The following EFCAB11 variants were observed in gnomAD, a reference collection of about 807,000 sequenced individuals.
EFCAB11 encodes EF-hand calcium-binding domain-containing protein 11.
Under a neutral mutation model 23.0 loss-of-function variants are expected in EFCAB11, and 14 were observed. The observed-to-expected ratio is 0.61, with a 90% confidence interval of 0.40 to 0.95. The LOEUF (loss-of-function observed/expected upper bound fraction) is 0.95, where lower values mean the gene tolerates loss of function less well. Among genes scored for constraint, EFCAB11 ranks in the 40% least tolerant of loss-of-function variants. EFCAB11 has a pLI of 0.00. For synonymous variants in EFCAB11, 65 were observed against 66.6 expected, an observed-to-expected ratio of 0.98 and a Z score of 0.11; for missense variants, 198 against 195.8, an observed-to-expected ratio of 1.01 and a Z score of -0.07.
chr14:89,849,621 T>G (rs1214837490), intron 5 of EFCAB11, among the ~76,000 whole-genome samples: 6 of 151,368 alleles, frequency 4.0e-5, no homozygotes, highest in African/African-American at 1.5e-4. Flanking sequence ...TTTTTTTTTT[T>G]TGGTAAGATA....
At chr14:89,866,170 T>C (rs1484336999) in intron 5 of EFCAB11, among the ~76,000 whole-genome samples, 1 of 152,210 alleles carries the variant, frequency 6.6e-6, no homozygotes, top group African/African-American at 2.4e-5. Context: ...TGAAGTTCAA[T>C]GATAGGATTT....
Position 89,862,882 on chromosome 14 carries a change from G to T in EFCAB11, c.411-65558C>A, listed in dbSNP as rs182419241. Among the ~76,000 whole-genome samples the T allele has an allele frequency of 6.2e-4, 94 of 152,288 alleles. 1 individual carries two copies. The East Asian group carries it at 0.015, about 24-fold the overall frequency. Reference sequence around the variant, plus strand: ...AACTAGCAGGAAGCTGCTATAAGAAGATAGATTGTTCAAAATCATAAGTAA... The same window carrying T: ...AACTAGCAGGAAGCTGCTATAAGAATATAGATTGTTCAAAATCATAAGTAA... On this transcript the variant is annotated intron_variant, in intron 5 of 5. Coordinates refer to ENST00000316738, the MANE Select transcript of EFCAB11 (RefSeq NM_145231.4).
intron 5 of EFCAB11, among the ~76,000 whole-genome samples, chr14:89,824,862 A>G (rs1284183886): frequency 6.6e-6 from 1 of 152,146 alleles, no homozygotes; most frequent in African/African-American, 2.4e-5. Flanking sequence ...TACATGAAGC[A>G]AAACATCGAG....
intron 5 of EFCAB11, among the ~76,000 whole-genome samples, chr14:89,837,556 A>G (rs1887125512): frequency 6.6e-6 from 1 of 152,204 alleles, no homozygotes; most frequent in African/African-American, 2.4e-5. Flanking sequence ...CTGGCCTTAT[A>G]TCTGTAAATA....
chr14:89,805,187 G>A (rs906570624), intron 5 of EFCAB11, among the ~76,000 whole-genome samples: 2 of 152,180 alleles, frequency 1.3e-5, no homozygotes, highest in African/African-American at 2.4e-5. Flanking sequence ...CATTGTTTGC[G>A]TCTTCCCCAA....
chr14:89,850,967 T>C (rs1887584938), intron 5 of EFCAB11, among the ~76,000 whole-genome samples: 4 of 152,162 alleles, frequency 2.6e-5, no homozygotes, highest in East Asian at 1.9e-4. Flanking sequence ...ATCAATTTAG[T>C]GGGAAGCCTA....
At chr14:89,926,018 C>T (rs766490199) in intron 5 of EFCAB11, among the ~76,000 whole-genome samples, 6 of 151,854 alleles carry the variant, frequency 4.0e-5, no homozygotes, top group Non-Finnish European at 8.8e-5. Context: ...TTAGTAGAGA[C>T]GGGGTTTCAC....
chr14:89,932,759 C>T, intron 3 of EFCAB11, 132 bp from the exon 4 acceptor site: 1 of 741,874 alleles, frequency 1.3e-6, no homozygotes, highest in Non-Finnish European at 2.2e-6. Context: ...ACAGTATTTA[C>T]TCAAGATCTG....
chr14:89,888,110 C>T (rs1888849420), intron 5 of EFCAB11, among the ~76,000 whole-genome samples: 1 of 152,152 alleles, frequency 6.6e-6, no homozygotes, highest in Admixed American at 6.5e-5. Context: ...ACAGAAAATG[C>T]TGTTGCTATG....
intron 5 of EFCAB11, among the ~76,000 whole-genome samples, chr14:89,882,861 G>A (rs1007723172): frequency 1.3e-5 from 2 of 152,188 alleles, no homozygotes; most frequent in Admixed American, 6.5e-5. Context: ...AATGGGAGGT[G>A]TTTGGGTCCT....
At chr14:89,811,085 G>A (rs2140089081) in intron 5 of EFCAB11, among the ~76,000 whole-genome samples, 1 of 152,140 alleles carries the variant, frequency 6.6e-6, no homozygotes, top group African/African-American at 2.4e-5. Context: ...TGAGAAGCAT[G>A]GAGCTAATAA....
At chr14:89,954,246 T>A in intron 1 of EFCAB11, 1 of 1,234,802 alleles carries the variant, frequency 8.1e-7, no homozygotes, top group Non-Finnish European at 1.1e-6. Flanking sequence ...GCAAATTAAT[T>A]CATTTAGGCC....
At chr14:89,826,230 G>A (rs1006933382) in intron 5 of EFCAB11, among the ~76,000 whole-genome samples, 37 of 152,126 alleles carry the variant, frequency 2.4e-4, no homozygotes, top group Non-Finnish European at 5.9e-5. Flanking sequence ...ATGAATGCAT[G>A]ATGATAACAT....
chr14:89,863,501 TCCC>T (rs752612616), intron 5 of EFCAB11, among the ~76,000 whole-genome samples: 16 of 152,298 alleles, frequency 1.1e-4, no homozygotes, highest in Non-Finnish European at 1.8e-4. Flanking sequence ...CAGCAACTGC[TCCC>T]CCTTTTCTAA....
chr14:89,826,386 C>T (rs1364614747), intron 5 of EFCAB11, among the ~76,000 whole-genome samples: 1 of 151,296 alleles, frequency 6.6e-6, no homozygotes, highest in African/African-American at 2.4e-5. Flanking sequence ...TGGGAACTCC[C>T]AGGCCAGAGA....
chr14:89,932,481 T>G (rs770403335), intron 4 of EFCAB11, 45 bp downstream of exon 4: 1 of 1,513,128 alleles, frequency 6.6e-7, no homozygotes, highest in Admixed American at 1.8e-5. Context: ...TTGCAATCCC[T>G]TAAAAGTAAT....
At chr14:89,897,533 A>G (rs943484846) in intron 5 of EFCAB11, among the ~76,000 whole-genome samples, 4 of 152,170 alleles carry the variant, frequency 2.6e-5, no homozygotes, top group African/African-American at 9.7e-5. Flanking sequence ...AAGCACGGGA[A>G]TAATAAACAC....
rs570013805 is a variant in EFCAB11 at position 89,889,155 on chromosome 14, T to A, written c.410+42386A>T. Among the ~76,000 whole-genome samples, 3 of 152,290 alleles carry A rather than the reference T, an allele frequency of 2.0e-5. No homozygotes were observed. In the South Asian group the frequency reaches 6.2e-4, roughly 32 times the overall value. On this transcript the variant is annotated intron_variant, in intron 5 of 5. Coordinates refer to ENST00000316738, the MANE Select transcript of EFCAB11 (RefSeq NM_145231.4). ...AGAGCCATGAAACAACACTGAAGATTAAAAGGGGCTGTATGAAGACAATTT... is the reference window on the plus strand; with the variant it reads ...AGAGCCATGAAACAACACTGAAGATAAAAAGGGGCTGTATGAAGACAATTT...
chr14:89,858,336 C>A (rs116774214), intron 5 of EFCAB11, among the ~76,000 whole-genome samples: 1 of 152,132 alleles, frequency 6.6e-6, no homozygotes, highest in Non-Finnish European at 1.5e-5. Context: ...TGAACTAGGA[C>A]GACCCAGCAA....
Sources: gnomAD v4.1 joint callset for allele counts (sites outside exome capture counted in the v4.1 genomes callset) on GRCh38, gnomAD v4.1.1 for gene constraint, MANE v1.5 for transcripts, NCBI Gene and HGNC (gene_info 2026-07-23, HGNC 2026-07-21) for gene names.